Variants in AP1M1 observed in about 807,000 individuals in gnomAD.
The protein encoded by AP1M1 is AP-1 complex subunit mu-1.
AP1M1 carries 18 observed loss-of-function variants against 57.1 expected under a neutral mutation model. The observed-to-expected ratio is 0.32, with a 90% confidence interval of 0.22 to 0.47. The LOEUF (loss-of-function observed/expected upper bound fraction) is 0.47. AP1M1 is among the 20% of genes least tolerant of loss of function. The probability of loss-of-function intolerance (pLI) is 1.00; values close to 1 mark genes in which losing one functional copy is unlikely to be tolerated. For synonymous variants in AP1M1, 241 were observed against 237.9 expected (o/e 1.01, Z -0.12); for missense variants, 362 against 593.5 (o/e 0.61, Z 4.05).
chr19:16,210,160 A>G lies in AP1M1; in HGVS notation c.546+983A>G, dbSNP rs552124711. 1.5e-3 allele frequency among the ~76,000 whole-genome samples: 226 copies of G among 152,346 alleles called. 2 individuals carry two copies. The highest frequency in any genetic ancestry group is 5.0e-3 in the African/African-American group (209 of 41,574). ...GAGTCTGGCTGCTTTAACTCATTCTAATTCTTTGCGATTCATCCAAATCCA... is the reference window on the plus strand; with the variant it reads ...GAGTCTGGCTGCTTTAACTCATTCTGATTCTTTGCGATTCATCCAAATCCA... On this transcript the variant is annotated intron_variant, in intron 5 of 11. Transcript: ENST00000291439.
At chr19:16,223,271 C>T (rs1230385453) in intron 5 of AP1M1, among the ~76,000 whole-genome samples, 2 of 152,106 alleles carry the variant, frequency 1.3e-5, no homozygotes, top group African/African-American at 4.8e-5. Flanking sequence ...TTCTGGGACC[C>T]GAGTGGTTAG....
rs544452542 is a variant in AP1M1 at position 16,232,605 on chromosome 19, G to T, written c.1048-888G>T. 2.0e-5 allele frequency among the ~76,000 whole-genome samples: 3 copies of T among 152,306 alleles called. No homozygotes were observed. In the East Asian group the frequency reaches 5.8e-4, roughly 29 times the overall value. ...TACTCAGCACATGTCACCAAGTCAG[G>T]CAGAGTCCTCACTCTCACGCTGCCC... On this transcript the variant is annotated intron_variant, in intron 9 of 11. Coordinates refer to ENST00000291439, the MANE Select transcript of AP1M1 (RefSeq NM_032493.4).
At position 16,244,882 on chromosome 19, in the gene AP1M1, T is replaced by TTTTTTGTTGTTGTTGTTGTTGTTG. The variant is rs370663435; in HGVS notation, c.*10449_*10450insTTTGTTGTTGTTGTTGTTGTTGTT. ...TAAATAACATGGATAAAATTTGTTG[T>TTTTTTGTTGTTGTTGTTGTTGTTG]TTGTTGTTGTTGTTGTTGTTGTTGT... is the stretch of plus-strand genomic sequence containing the variant. On this transcript the variant is annotated 3_prime_UTR_variant, in exon 12 of 12. Transcript: ENST00000291439. The TTTTTTGTTGTTGTTGTTGTTGTTG allele has an allele frequency of 2.0e-5, 3 of 149,574 alleles. No individual in the cohort carries two copies. The highest frequency in any genetic ancestry group is 7.5e-5 in the African/African-American group (3 of 39,910). The allele number at this position is 149,574 out of a possible 1,614,324, so 9.3% of individuals were successfully genotyped here. A position where few individuals can be genotyped will look rare whatever the true frequency, so the allele number is the denominator to read the frequency against.
chr19:16,206,140 G>A lies in AP1M1; in HGVS notation c.200-201G>A, dbSNP rs531139688. Among the ~76,000 whole-genome samples, 105 of 152,094 alleles carry A rather than the reference G, an allele frequency of 6.9e-4. No homozygotes were observed. Among genetic ancestry groups the A allele is most frequent in the Non-Finnish European group, 1.2e-3 (81 of 68,008 alleles). On this transcript the variant is annotated intron_variant, in intron 2 of 11. Transcript: ENST00000291439. This position sits in a 1 kb window ranked among gnomAD's most constrained non-coding sequence, Gnocchi z 4.3. ...TGAGTGCTCCCTGGGGCCTGGGAGC[G>A]CATCTGGCTGGTGACTCCTGTGTCC...
rs761018019 is a variant in AP1M1, at chr19:16,228,919, G to A, written c.1038G>A (p.Lys346=). The A allele has an allele frequency of 9.3e-6, 15 of 1,613,834 alleles. No individual in the cohort carries two copies. In the East Asian group the frequency reaches 3.1e-4, roughly 34 times the overall value. Residue 346 remains lysine (K), a synonymous_variant, in exon 9 of 12, where the codon AAG becomes AAA. Coordinates refer to ENST00000291439, the MANE Select transcript of AP1M1 (RefSeq NM_032493.4). This position sits in a 1 kb window ranked among gnomAD's most constrained non-coding sequence, Gnocchi z 5.0. ...PENSEIVWSI[K]SFPGGKEYLM... ...ACAGCGAGATCGTGTGGTCCATCAA[G>A]TCCTTCCCGGTGAGCACTCTGTCCA...
Position 16,241,054 on chromosome 19 carries a change from C to G in AP1M1, c.*6619C>G, listed in dbSNP as rs528584119. On this transcript the variant is annotated 3_prime_UTR_variant, in exon 12 of 12. Transcript: ENST00000291439. ...AGGTAGGACAAGCCGGGCATGGTGG[C>G]TCCCGCCTGTAATCCCAGCACTCTG... 1.9e-4 allele frequency: 29 copies of G among 152,268 alleles called. No homozygotes were observed. Among genetic ancestry groups the G allele is most frequent in the African/African-American group, 7.0e-4 (29 of 41,546 alleles). The allele number at this position is 152,268 out of a possible 1,614,324, so 9.4% of individuals were successfully genotyped here.
chr19:16,233,560 G>T lies in AP1M1; in HGVS notation c.1115G>T (p.Gly372Val). ...AGTGTGGAGGCCGAAGACAAGGAGG[G>T]CAAGCCCCCGATCAGTGTCAAGTTC... Reference protein sequence around the residue: ...LPSVEAEDKEGKPPISVKFEI... With the variant: ...LPSVEAEDKEVKPPISVKFEI... Residue 372 changes from glycine (G) to valine (V), a missense_variant, in exon 10 of 12, where the codon GGC becomes GTC. Transcript: ENST00000291439. 6.2e-7 allele frequency: 1 copy of T among 1,609,090 alleles called. No homozygotes were observed. The highest frequency in any genetic ancestry group is 8.5e-7 in the Non-Finnish European group (1 of 1,178,050).
chr19:16,202,365 C>A (rs2091452315), intron 1 of AP1M1, among the ~76,000 whole-genome samples: 1 of 152,228 alleles, frequency 6.6e-6, no homozygotes, highest in Non-Finnish European at 1.5e-5. Flanking sequence ...AGCAAAACTT[C>A]CGACCTCCTT....
Position 16,239,341 on chromosome 19 carries a change from G to A in AP1M1, c.*4906G>A, listed in dbSNP as rs189019401. ...AGTCCCAACTACTTGGGAGGCTGAG[G>A]CTAGAGGATTACTTGAGCCCAGGAG... On this transcript the variant is annotated 3_prime_UTR_variant, in exon 12 of 12. Transcript: ENST00000291439. 2.4e-3 allele frequency: 353 copies of A among 146,552 alleles called. 2 individuals are homozygous for A. Among genetic ancestry groups the A allele is most frequent in the African/African-American group, 8.6e-3 (337 of 39,144 alleles). 9.1% of individuals were successfully genotyped at this position (146,552 alleles called of 1,614,324 possible). A position where few individuals can be genotyped will look rare whatever the true frequency, so the allele number is the denominator to read the frequency against.
rs895481361 is a variant in AP1M1, at chr19:16,244,460, C to T, written c.*10025C>T. On this transcript the variant is annotated 3_prime_UTR_variant, in exon 12 of 12. Coordinates refer to ENST00000291439, the MANE Select transcript of AP1M1 (RefSeq NM_032493.4). ...AAAATCTAGACAAAGATTGCATAAA[C>T]AGTTTCTGGAGTTTTTTTAAGTGAT... is the stretch of plus-strand genomic sequence containing the variant. 3 of 152,116 alleles carry T rather than the reference C, an allele frequency of 2.0e-5. No individual in the cohort carries two copies. The highest frequency in any genetic ancestry group is 7.2e-5 in the African/African-American group (3 of 41,436). The allele number at this position is 152,116 out of a possible 1,614,324, so 9.4% of individuals were successfully genotyped here. A position where few individuals can be genotyped will look rare whatever the true frequency, so the allele number is the denominator to read the frequency against.
chr19:16,211,100 T>TG (rs35039247), intron 5 of AP1M1, among the ~76,000 whole-genome samples: 90,905 of 147,478 alleles, frequency 0.62, 29,443 homozygotes, highest in Non-Finnish European at 0.74. Flanking sequence ...CTCTTAGCAG[T>TG]GTTTTTTTTT....
At chr19:16,210,622 C>G (rs972379311) in intron 5 of AP1M1, among the ~76,000 whole-genome samples, 1 of 152,164 alleles carries the variant, frequency 6.6e-6, no homozygotes, top group African/African-American at 2.4e-5. Context: ...TGCAATGGCA[C>G]TATCTCCATT....
At position 16,207,442 on chromosome 19, in the gene AP1M1, G is replaced by A. The variant is rs1039437656; in HGVS notation, c.268-577G>A. On this transcript the variant is annotated intron_variant, in intron 3 of 11. Coordinates refer to ENST00000291439, the MANE Select transcript of AP1M1 (RefSeq NM_032493.4). This position sits in a 1 kb window ranked among gnomAD's most constrained non-coding sequence, Gnocchi z 4.2. ...TGATCACAGTCCTGAAGCGCGCAGG[G>A]GTCAGCAGATCAGAGAATGGGGGAT... Among the ~76,000 whole-genome samples, 1 of 152,112 alleles carries A rather than the reference G, an allele frequency of 6.6e-6. No individual in the cohort carries two copies. Among genetic ancestry groups the A allele is most frequent in the African/African-American group, 2.4e-5 (1 of 41,422 alleles).
chr19:16,228,653 G>T lies in AP1M1; in HGVS notation c.889-117G>T. 8.6e-7 allele frequency: 1 copy of T among 1,161,766 alleles called. No homozygotes were observed. Among genetic ancestry groups the T allele is most frequent in the Non-Finnish European group, 1.2e-6 (1 of 816,330 alleles). The allele number at this position is 1,161,766 out of a possible 1,614,324, so 72.0% of individuals were successfully genotyped here. A position where few individuals can be genotyped will look rare whatever the true frequency, so the allele number is the denominator to read the frequency against. ...GGTGGGTAGTGCCTGGAGAAGTGGG[G>T]CCAGGGGCGGGGCTAGGGAGGATCC... On this transcript the variant is annotated intron_variant, in intron 8 of 11. Coordinates refer to ENST00000291439, the MANE Select transcript of AP1M1 (RefSeq NM_032493.4). The surrounding 1 kb of genome is among the most constrained non-coding windows in gnomAD (Gnocchi z 5.0).
In AP1M1 at chr19:16,198,102, G is replaced by T. The variant is rs758111620; in HGVS notation, c.42+34G>T. 7 of 1,593,346 alleles carry T rather than the reference G, an allele frequency of 4.4e-6. No individual in the cohort carries two copies. In the South Asian group the frequency reaches 6.7e-5, roughly 15 times the overall value. ...GGCTCCCCACCCTCCCTGTTGCCAG[G>T]CAACCGGCAGGGGCCTCCGCCCGCG... On this transcript the variant is annotated intron_variant, in intron 1 of 11. Transcript: ENST00000291439.
chr19:16,213,235 T>C (rs2091502791), intron 5 of AP1M1, among the ~76,000 whole-genome samples: 1 of 152,210 alleles, frequency 6.6e-6, no homozygotes, highest in Admixed American at 6.5e-5. Context: ...AGTCTCTTTG[T>C]AGGTCTCTAA....
rs2091637631 is a variant in AP1M1 at position 16,239,498 on chromosome 19, T to TGGGG, written c.*5064_*5067dup. On this transcript the variant is annotated 3_prime_UTR_variant, in exon 12 of 12. Coordinates refer to ENST00000291439, the MANE Select transcript of AP1M1 (RefSeq NM_032493.4). ...AATGTAGTCATAGGAATTAACAACTTGGGGCCGGGCATGGTGGCTCACGCC... is the reference window on the plus strand; with the variant it reads ...AATGTAGTCATAGGAATTAACAACTTGGGGGGGGCCGGGCATGGTGGCTCACGCC... 6.6e-6 allele frequency: 1 copy of TGGGG among 151,502 alleles called. No homozygotes were observed. The highest frequency in any genetic ancestry group is 6.6e-5 in the Admixed American group (1 of 15,176). The allele number at this position is 151,502 out of a possible 1,614,324, so 9.4% of individuals were successfully genotyped here.
At chr19:16,223,525 G>T (rs530684499) in intron 5 of AP1M1, among the ~76,000 whole-genome samples, 13 of 152,336 alleles carry the variant, frequency 8.5e-5, no homozygotes, top group African/African-American at 2.6e-4. Flanking sequence ...GACAACGGTT[G>T]CCCCACCCCC....
chr19:16,219,618 G>A (rs541558227), intron 5 of AP1M1, among the ~76,000 whole-genome samples: 3 of 152,144 alleles, frequency 2.0e-5, no homozygotes, highest in East Asian at 1.9e-4. Context: ...GGCTGGTCTC[G>A]AACTCCTGAC....
Sources: gnomAD v4.1 joint callset for allele counts (sites outside exome capture counted in the v4.1 genomes callset) on GRCh38, gnomAD v4.1.1 for gene constraint, Gnocchi (gnomAD v3.1) non-coding constraint, MANE v1.5 for transcripts, NCBI Gene and HGNC (gene_info 2026-07-23, HGNC 2026-07-21) for gene names.